Variants in MOG observed in about 807,000 individuals in gnomAD.
MOG encodes myelin-oligodendrocyte glycoprotein.
In MOG, 20 loss-of-function variants were observed where a neutral mutation model predicts 35.9. The ratio of observed to expected loss-of-function variants is 0.56; its 90% CI spans 0.39 to 0.81. The LOEUF (loss-of-function observed/expected upper bound fraction) is 0.81, where lower values mean the gene tolerates loss of function less well. Among genes scored for constraint, MOG ranks in the 30% least tolerant of loss-of-function variants. The pLI, the probability that MOG is intolerant of heterozygous loss-of-function variation, is 0.00. For synonymous variants in MOG, 92 were observed against 114.3 expected, an observed-to-expected ratio of 0.80 and a Z score of 1.25; for missense variants, 251 against 301.0, an observed-to-expected ratio of 0.83 and a Z score of 1.23.
Position 29,662,468 on chromosome 6 carries a change from AG to A in MOG, c.436+2803del, listed in dbSNP as rs1269548519. ...ATTGCACTCCAGCCTGGGCAACAAG[AG>A]CAAAACTCTGTCTCAAAAAAAAAAA... is the stretch of plus-strand genomic sequence containing the variant. On this transcript the variant is annotated intron_variant, in intron 2 of 7. Transcript: ENST00000376917. The surrounding 1 kb of genome is among the most constrained non-coding windows in gnomAD (Gnocchi z 4.2). Among the ~76,000 whole-genome samples the A allele has an allele frequency of 6.7e-6, 1 of 149,058 alleles. No homozygotes were observed. Among genetic ancestry groups the A allele is most frequent in the Non-Finnish European group, 1.5e-5 (1 of 67,548 alleles).
rs1259874762 is a variant in MOG at position 29,659,386 on chromosome 6, A to G, written c.156A>G (p.Pro52=). 12 of 1,612,832 alleles carry G rather than the reference A, an allele frequency of 7.4e-6. No homozygotes were observed. The highest frequency in any genetic ancestry group is 6.7e-5 in the African/African-American group (5 of 74,896). Residue 52 remains proline (P), a synonymous_variant, in exon 2 of 8, where the codon CCA becomes CCG. Transcript: ENST00000376917. ...RALVGDEVEL[P]CRISPGKNAT... ...TGGTCGGGGATGAAGTGGAATTGCC[A>G]TGTCGCATATCTCCTGGGAAGAACG...
At chr6:29,660,318 G>C (rs1413320548) in intron 2 of MOG, among the ~76,000 whole-genome samples, 4 of 138,156 alleles carry the variant, frequency 2.9e-5, no homozygotes, top group Middle Eastern at 3.5e-3. Context: ...TCAGGAGATC[G>C]AGACCATCCT....
At chr6:29,663,489 AGG>A (rs987476700) in intron 2 of MOG, among the ~76,000 whole-genome samples, 2 of 152,166 alleles carry the variant, frequency 1.3e-5, no homozygotes, top group African/African-American at 4.8e-5. Context: ...CTTTGCCCTT[AGG>A]GTTTCCCAGG....
At chr6:29,661,714 G>C in intron 2 of MOG, 1 of 886,062 alleles carries the variant, frequency 1.1e-6, no homozygotes. Context: ...CAGCTGGGAG[G>C]CTGAGGCAGG....
At chr6:29,669,873 C>T (rs1012310049) in intron 5 of MOG, among the ~76,000 whole-genome samples, 10 of 151,882 alleles carry the variant, frequency 6.6e-5, no homozygotes, top group South Asian at 2.1e-4. Context: ...CAGGTTCAAG[C>T]GATTCTCCTG....
rs920205923 is a variant in MOG at position 29,667,749 on chromosome 6, C to T, written c.571+86C>T. 1.5e-5 allele frequency: 24 copies of T among 1,560,032 alleles called. No homozygotes were observed. In the African/African-American group the frequency reaches 2.8e-4, roughly 19 times the overall value. ...TGGTCCCGTTCTTGGACCGTCTCTC[C>T]CTCTCAATACCCTGTTTTCCCCTCA... On this transcript the variant is annotated intron_variant, in intron 4 of 7. Coordinates refer to ENST00000376917, the MANE Select transcript of MOG (RefSeq NM_206809.4).
At position 29,671,769 on chromosome 6, in the gene MOG, T is replaced by C; in HGVS notation, c.*584T>C. On this transcript the variant is annotated 3_prime_UTR_variant, in exon 8 of 8. Transcript: ENST00000376917. Reference sequence around the variant, plus strand: ...GAATACTAGCCAGAGCTCCTCCTTGTCTTGGCAGCCTACTAGGGACCTGGG... The same window carrying C: ...GAATACTAGCCAGAGCTCCTCCTTGCCTTGGCAGCCTACTAGGGACCTGGG... The C allele has an allele frequency of 2.4e-6, 1 of 424,980 alleles. No homozygotes were observed. Among genetic ancestry groups the C allele is most frequent in the East Asian group, 3.7e-5 (1 of 27,302 alleles). The allele number at this position is 424,980 out of a possible 1,614,324, so 26.3% of individuals were successfully genotyped here. A position where few individuals can be genotyped will look rare whatever the true frequency, so the allele number is the denominator to read the frequency against.
rs1030058039 is a variant in MOG, at chr6:29,662,163, C to A, written c.436+2497C>A. The A allele has an allele frequency of 1.0e-6, 1 of 985,034 alleles. No homozygotes were observed. The highest frequency in any genetic ancestry group is 1.7e-5 in the African/African-American group (1 of 57,328). The allele number at this position is 985,034 out of a possible 1,614,324, so 61.0% of individuals were successfully genotyped here. A position where few individuals can be genotyped will look rare whatever the true frequency, so the allele number is the denominator to read the frequency against. ...GATTTTATTACTAGTTGTCTCTAAT[C>A]CTTTCTTTAAATTCTTCATTATGAA... On this transcript the variant is annotated intron_variant, in intron 2 of 7. Transcript: ENST00000376917. This position sits in a 1 kb window ranked among gnomAD's most constrained non-coding sequence, Gnocchi z 4.2.
Position 29,671,807 on chromosome 6 carries a change from A to G in MOG, c.*622A>G. On this transcript the variant is annotated 3_prime_UTR_variant, in exon 8 of 8. Transcript: ENST00000376917. The stretch of plus-strand genomic sequence containing the variant: ...CTAGGGACCTGGGGAAGCAAAAACG[A>G]AAGCTGGGCAACATGCCTGCTTTAG... 3.0e-6 allele frequency: 1 copy of G among 338,176 alleles called. No individual in the cohort carries two copies. Among genetic ancestry groups the G allele is most frequent in the Non-Finnish European group, 5.4e-6 (1 of 185,258 alleles). The allele number at this position is 338,176 out of a possible 1,614,324, so 20.9% of individuals were successfully genotyped here.
Position 29,657,095 on chromosome 6 carries a change from A to T in MOG, c.-115A>T, listed in dbSNP as rs564169502. On this transcript the variant is annotated 5_prime_UTR_variant, in exon 1 of 8. Coordinates refer to ENST00000376917, the MANE Select transcript of MOG (RefSeq NM_206809.4). ...GGAGTGGAGGCAGGGCCCAGGCAGC[A>T]CTGCCCTCCAAGATCTTCCCTTGGG... 407 of 785,524 alleles carry T rather than the reference A, an allele frequency of 5.2e-4. 8 individuals are homozygous for T. The Middle Eastern group carries it at 0.012, about 23-fold the overall frequency. 48.7% of individuals were successfully genotyped at this position (785,524 alleles called of 1,614,324 possible).
intron 4 of MOG, 65 bp from the exon 5 acceptor site, chr6:29,667,839 G>C (rs1245060412): frequency 5.0e-6 from 8 of 1,590,766 alleles, no homozygotes; most frequent in Non-Finnish European, 6.9e-6. Context: ...AAATAACAAA[G>C]ACTCAGGATA....
chr6:29,665,333 C>T (rs182714491), intron 2 of MOG, among the ~76,000 whole-genome samples: 2 of 151,776 alleles, frequency 1.3e-5, no homozygotes, highest in South Asian at 2.1e-4. Context: ...CAACCTCAGG[C>T]GATCCGCCCG....
rs531496769 is a variant in MOG at position 29,662,496 on chromosome 6, C to A, written c.436+2830C>A. ...AAAACTCTGTCTCAAAAAAAAAAAA[C>A]CACATACAAACCAGAGATAATATTA... On this transcript the variant is annotated intron_variant, in intron 2 of 7. Coordinates refer to ENST00000376917, the MANE Select transcript of MOG (RefSeq NM_206809.4). The surrounding 1 kb of genome is among the most constrained non-coding windows in gnomAD (Gnocchi z 4.2). Among the ~76,000 whole-genome samples, 14 of 145,712 alleles carry A rather than the reference C, an allele frequency of 9.6e-5. No individual in the cohort carries two copies. In the South Asian group the frequency reaches 1.3e-3, roughly 14 times the overall value.
At chr6:29,665,896 C>T (rs550401427) in intron 2 of MOG, among the ~76,000 whole-genome samples, 145 of 152,220 alleles carry the variant, frequency 9.5e-4, no homozygotes, top group Admixed American at 3.5e-3. Flanking sequence ...CTTAGCTGCT[C>T]GTTAAAACTC....
chr6:29,668,483 A>C (rs1249870513), intron 5 of MOG, among the ~76,000 whole-genome samples: 1 of 152,210 alleles, frequency 6.6e-6, no homozygotes, highest in Admixed American at 6.5e-5. Context: ...ATGGCAACAG[A>C]AGAGCACCCA....
rs1169867078 is a variant in MOG, at chr6:29,670,034, G to T, written c.593-247G>T. The T allele has an allele frequency of 2.7e-6, 2 of 738,352 alleles. No individual in the cohort carries two copies. Among genetic ancestry groups the T allele is most frequent in the Non-Finnish European group, 4.9e-6 (2 of 408,920 alleles). 45.7% of individuals were successfully genotyped at this position (738,352 alleles called of 1,614,324 possible). A position where few individuals can be genotyped will look rare whatever the true frequency, so the allele number is the denominator to read the frequency against. On this transcript the variant is annotated intron_variant, in intron 5 of 7. Coordinates refer to ENST00000376917, the MANE Select transcript of MOG (RefSeq NM_206809.4). The surrounding 1 kb of genome is among the most constrained non-coding windows in gnomAD (Gnocchi z 4.2). ...TCCACCCGTCTCGGACTCCCAGAGT[G>T]TTGGGATTACAGGCATGAGCCACCA...
At chr6:29,668,021 G>A in intron 5 of MOG, 97 bp downstream of exon 5, 2 of 1,097,488 alleles carry the variant, frequency 1.8e-6, no homozygotes, top group Non-Finnish European at 2.8e-6. Context: ...TCCTGGTTGA[G>A]TCCCTTCCTC....
rs1384705677 is a variant in MOG, at chr6:29,659,355, G to A, written c.125G>A (p.Arg42Gln). The change falls in exon 2 of 8, where the codon CGG (arginine) becomes CAG (glutamine). Residue 42 changes from arginine (R) to glutamine (Q), a missense_variant. Coordinates refer to ENST00000376917, the MANE Select transcript of MOG (RefSeq NM_206809.4). ...FRVIGPRHPI[R>Q]ALVGDEVELP... ...GTGATAGGACCAAGACACCCTATCC[G>A]GGCTCTGGTCGGGGATGAAGTGGAA... 15 of 1,612,898 alleles carry A rather than the reference G, an allele frequency of 9.3e-6. No homozygotes were observed. Among genetic ancestry groups the A allele is most frequent in the Middle Eastern group, 3.3e-4 (2 of 6,062 alleles).
intron 5 of MOG, among the ~76,000 whole-genome samples, chr6:29,668,929 C>CTT (rs869182982): frequency 8.5e-5 from 12 of 141,158 alleles, no homozygotes; most frequent in African/African-American, 2.3e-4. Context: ...ATAAATGTTT[C>CTT]TTTTTTTTTT....
Sources: allele counts gnomAD v4.1 joint callset (sites outside exome capture counted in the v4.1 genomes callset), GRCh38; gene constraint gnomAD v4.1.1; non-coding constraint Gnocchi (gnomAD v3.1); transcripts MANE v1.5; gene names NCBI Gene and HGNC (gene_info 2026-07-23, HGNC 2026-07-21).